Variants in REXO4 observed in about 807,000 individuals in gnomAD.
REXO4 encodes REX4 homolog, 3'-5' exonuclease.
In REXO4, 29 loss-of-function variants were observed where a neutral mutation model predicts 39.9. The observed-to-expected ratio is 0.73, with a 90% CI of 0.54 to 0.99. The LOEUF (loss-of-function observed/expected upper bound fraction) is 0.99. Among genes scored for constraint, REXO4 ranks in the 50% least tolerant of loss-of-function variants. REXO4 has a pLI of 0.00. For synonymous variants in REXO4, 184 were observed against 206.2 expected (o/e 0.89, Z 0.92); for missense variants, 524 against 546.5 (o/e 0.96, Z 0.41).
At chr9:133,413,025 C>T (rs1839318803) in intron 2 of REXO4, 104 bp from the exon 3 acceptor site, 2 of 1,279,876 alleles carry the variant, frequency 1.6e-6, no homozygotes, top group South Asian at 2.7e-5. Flanking sequence ...ATGGCACAGC[C>T]TGCCTCTCCC....
chr9:133,406,678 G>T lies in REXO4; in HGVS notation c.*275C>A, dbSNP rs73660485. The T allele has an allele frequency of 3.5e-4, 166 of 476,492 alleles. No homozygotes were observed. Among genetic ancestry groups the T allele is most frequent in the African/African-American group, 3.1e-3 (158 of 51,196 alleles). The allele number at this position is 476,492 out of a possible 1,614,324, so 29.5% of individuals were successfully genotyped here. ...GCCCCAACCTCACCTGGCCCAGGGGGTCAGCAGTCGGTAAAGCGTGGCCAG... is the reference window on the plus strand; with the variant it reads ...GCCCCAACCTCACCTGGCCCAGGGGTTCAGCAGTCGGTAAAGCGTGGCCAG... On this transcript the variant is annotated 3_prime_UTR_variant, in exon 8 of 8. Coordinates refer to ENST00000371942, the MANE Select transcript of REXO4 (RefSeq NM_020385.4).
intron 3 of REXO4, 44 bp downstream of exon 3, chr9:133,412,734 G>A (rs2285488): frequency 0.15 from 238,230 of 1,599,106 alleles, 19,836 homozygotes; most frequent in Non-Finnish European, 0.17. Flanking sequence ...CGCCCTCCAC[G>A]GCTAAGCATC....
At chr9:133,414,124 C>A (rs931322192) in intron 2 of REXO4, among the ~76,000 whole-genome samples, 1 of 152,210 alleles carries the variant, frequency 6.6e-6, no homozygotes, top group Non-Finnish European at 1.5e-5. Flanking sequence ...AGGCTGGAGG[C>A]AGTAGTGCAA....
intron 7 of REXO4, among the ~76,000 whole-genome samples, chr9:133,407,423 AAG>A (rs1838950731): frequency 1.3e-5 from 2 of 152,192 alleles, no homozygotes; most frequent in East Asian, 3.9e-4. Flanking sequence ...GATGGGCAAA[AAG>A]GGCCCAAAGC....
chr9:133,417,765 G>A lies in REXO4; in HGVS notation c.80C>T (p.Thr27Ile). ...TTTTTTCTTCTTGTTTTTCTTCCGA[G>A]TGAGCGTCTTGACAGGACCCGGCTT... ...VAKPGPVKTL[T>I]RKKNKKKKRF... The change falls in exon 1 of 8, where the codon ACT (threonine) becomes ATT (isoleucine). Residue 27 changes from threonine to isoleucine, a missense_variant. Transcript: ENST00000371942. 1.2e-6 allele frequency: 2 copies of A among 1,612,604 alleles called. No homozygotes were observed. Among genetic ancestry groups the A allele is most frequent in the South Asian group, 2.2e-5 (2 of 91,084 alleles).
At chr9:133,410,583 A>G (rs1278761063) in intron 5 of REXO4, among the ~76,000 whole-genome samples, 1 of 152,268 alleles carries the variant, frequency 6.6e-6, no homozygotes, top group African/African-American at 2.4e-5. Flanking sequence ...TCCCAGGGCC[A>G]GGGTGATGGT....
intron 2 of REXO4, among the ~76,000 whole-genome samples, chr9:133,414,102 G>A (rs1294467472): frequency 6.6e-6 from 1 of 152,170 alleles, no homozygotes; most frequent in Non-Finnish European, 1.5e-5. Flanking sequence ...TGAGAGTCTT[G>A]CTCCGTCACC....
At chr9:133,411,150 C>T (rs1015590726) in intron 4 of REXO4, 77 bp from the exon 5 acceptor site, 10 of 1,210,860 alleles carry the variant, frequency 8.3e-6, no homozygotes, top group Admixed American at 1.7e-5. Flanking sequence ...AGCCCCGCTC[C>T]TACCCCTGGT....
chr9:133,406,989 CA>C lies in REXO4; in HGVS notation c.1232del (p.Leu411ArgfsTer2), dbSNP rs1554778975. On this transcript the variant is annotated frameshift_variant, in exon 8 of 8. Transcript: ENST00000371942. LOFTEE classifies it low-confidence loss of function (END_TRUNC). ...WESMARDRRPLLTAPDHCSDD... is the reference protein window; with the variant it reads ...WESMARDRRPXLTAPDHCSDD... ...CACTGCAGTGGTCTGGAGCAGTCAG[CA>C]GGGGGCGCCTGTCTCGGGCCATGCT... 6.2e-7 allele frequency: 1 copy of C among 1,612,626 alleles called. No individual in the cohort carries two copies. The highest frequency in any genetic ancestry group is 8.5e-7 in the Non-Finnish European group (1 of 1,180,016).
chr9:133,412,518 TTA>T, intron 3 of REXO4, 26 bp from the exon 4 acceptor site: 1 of 1,612,126 alleles, frequency 6.2e-7, no homozygotes, highest in Non-Finnish European at 8.5e-7. Flanking sequence ...AGGCTGTAGT[TTA>T]ATAAACACGG....
intron 2 of REXO4, among the ~76,000 whole-genome samples, chr9:133,413,408 C>A (rs1839349224): frequency 1.3e-5 from 2 of 152,176 alleles, no homozygotes; most frequent in Non-Finnish European, 2.9e-5. Context: ...GGCCTCATCT[C>A]TTTTCTTTTT....
At chr9:133,407,744 A>G in intron 7 of REXO4, 63 bp downstream of exon 7, 21 of 1,354,298 alleles carry the variant, frequency 1.6e-5, no homozygotes, top group Non-Finnish European at 2.2e-5. Context: ...CAGGTGACTC[A>G]TGTCTGGTTC....
chr9:133,412,954 A>G, intron 2 of REXO4, 33 bp from the exon 3 acceptor site: 3 of 1,608,694 alleles, frequency 1.9e-6, no homozygotes, highest in Non-Finnish European at 2.5e-6. Flanking sequence ...TGATCACCAG[A>G]AGACCCTAGT....
rs1040514808 is a variant in REXO4 at position 133,417,881 on chromosome 9, G to A, written c.-37C>T. 6 of 1,584,538 alleles carry A rather than the reference G, an allele frequency of 3.8e-6. No individual in the cohort carries two copies. Among genetic ancestry groups the A allele is most frequent in the Non-Finnish European group, 3.4e-6 (4 of 1,171,450 alleles). On this transcript the variant is annotated 5_prime_UTR_variant, in exon 1 of 8. Transcript: ENST00000371942. ...CCAGCGCCTGGGCCGGCGGCCACCC[G>A]AGACCCCGGCCTCCCCGGGCCCGGC...
At chr9:133,413,932 C>T (rs1443206085) in intron 2 of REXO4, among the ~76,000 whole-genome samples, 1 of 152,222 alleles carries the variant, frequency 6.6e-6, no homozygotes, top group Non-Finnish European at 1.5e-5. Flanking sequence ...GCTCATTCCT[C>T]AGCCATCAGC....
chr9:133,414,737 A>C lies in REXO4; in HGVS notation c.500T>G (p.Ile167Ser). ...KGTKERTNGD[I>S]VPERGDIEHK... ...CTCGATGTCCCCTCGTTCTGGAACA[A>C]TATCACCATTTGTCCTTTCCTTGGT... Residue 167 changes from isoleucine to serine, a missense_variant, in exon 2 of 8, where the codon ATT becomes AGT. Ile to Ser is a moderately radical substitution (Grantham distance 142, BLOSUM62 -2). Transcript: ENST00000371942. 1 of 1,614,166 alleles carries C rather than the reference A, an allele frequency of 6.2e-7. No homozygotes were observed. Among genetic ancestry groups the C allele is most frequent in the Non-Finnish European group, 8.5e-7 (1 of 1,180,040 alleles).
chr9:133,417,733 A>G lies in REXO4; in HGVS notation c.112T>C (p.Trp38Arg). The change falls in exon 1 of 8, where the codon TGG (tryptophan) becomes CGG (arginine). Residue 38 changes from tryptophan to arginine, a missense_variant. Physicochemically the swap from Trp to Arg is moderately radical, Grantham distance 101. Transcript: ENST00000371942. Reference protein sequence around the residue: ...RKKNKKKKRFWKSKAREVSKK... With the variant: ...RKKNKKKKRFRKSKAREVSKK... ...CTTACTTCCCGCGCCTTGCTTTTCC[A>G]AAACCTTTTTTTCTTCTTGTTTTTC... The G allele has an allele frequency of 6.2e-7, 1 of 1,614,032 alleles. No homozygotes were observed. Among genetic ancestry groups the G allele is most frequent in the Non-Finnish European group, 8.5e-7 (1 of 1,179,982 alleles).
Position 133,406,713 on chromosome 9 carries a change from T to C in REXO4, c.*240A>G. On this transcript the variant is annotated 3_prime_UTR_variant, in exon 8 of 8. Transcript: ENST00000371942. The stretch of plus-strand genomic sequence containing the variant: ...GGTAAAGCGTGGCCAGGCGTGCCCA[T>C]GGCCGTCCCTGCTCCCCACCCTGAC... The C allele has an allele frequency of 1.7e-6, 1 of 575,302 alleles. No individual in the cohort carries two copies. Among genetic ancestry groups the C allele is most frequent in the Admixed American group, 3.1e-5 (1 of 32,102 alleles). The allele number at this position is 575,302 out of a possible 1,614,324, so 35.6% of individuals were successfully genotyped here.
In REXO4 at chr9:133,408,775, T is replaced by A; in HGVS notation, c.1067A>T (p.Gln356Leu). The A allele has an allele frequency of 6.3e-7, 1 of 1,594,464 alleles. No individual in the cohort carries two copies. The change falls in exon 6 of 8, where the codon CAA becomes CTA. Residue 356 changes from glutamine to leucine, a missense_variant. By Grantham distance (113) the Gln-to-Leu change is moderately radical (BLOSUM62 -2). Transcript: ENST00000371942. ...DTQKYKPFKS[Q>L]VKSGRPSLRL... ...CACACTCATTCTAAGTACCTTTACT[T>A]GACTCTTGAAAGGTTTATATTTCTG...
Sources: allele counts gnomAD v4.1 joint callset (sites outside exome capture counted in the v4.1 genomes callset), GRCh38; gene constraint gnomAD v4.1.1; transcripts MANE v1.5; gene names NCBI Gene and HGNC (gene_info 2026-07-23, HGNC 2026-07-21).